FNDC7: variants seen among roughly 807,000 people sequenced by gnomAD.
FNDC7 encodes the protein fibronectin type III domain-containing protein 7.
In FNDC7, 66 loss-of-function variants were observed where a neutral mutation model predicts 74.2. The observed-to-expected ratio is 0.89, with a 90% CI of 0.73 to 1.09. The LOEUF (loss-of-function observed/expected upper bound fraction) is 1.09, where lower values mean the gene tolerates loss of function less well. Ranked by LOEUF, FNDC7 falls within the 50% of genes least tolerant of loss-of-function variation. The probability of loss-of-function intolerance (pLI) is 0.00; values close to 1 mark genes in which losing one functional copy is unlikely to be tolerated. For synonymous variants in FNDC7, 307 were observed against 330.2 expected (o/e 0.93, Z 0.76); for missense variants, 829 against 893.4 (o/e 0.93, Z 0.92).
intron 10 of FNDC7, 25 bp downstream of exon 10, chr1:108,733,557 C>A (rs1178444882): frequency 1.2e-6 from 2 of 1,603,474 alleles, no homozygotes; most frequent in South Asian, 1.1e-5. Context: ...GACAGTTTAT[C>A]TAAAACTAAC....
intron 11 of FNDC7, among the ~76,000 whole-genome samples, chr1:108,741,543 CTG>C (rs762974600): frequency 1.3e-5 from 2 of 152,152 alleles, no homozygotes; most frequent in African/African-American, 2.4e-5. Context: ...TAAAGAGACT[CTG>C]GGAGGGTTCA....
intron 8 of FNDC7, among the ~76,000 whole-genome samples, chr1:108,729,103 C>T (rs1462704972): frequency 6.6e-6 from 1 of 152,220 alleles, no homozygotes; most frequent in Non-Finnish European, 1.5e-5. Flanking sequence ...TCACTGGCAT[C>T]AGAGAAGGAA....
chr1:108,726,364 C>T (rs1052410920), intron 6 of FNDC7, among the ~76,000 whole-genome samples: 6 of 152,244 alleles, frequency 3.9e-5, no homozygotes, highest in Non-Finnish European at 4.4e-5. Flanking sequence ...GAGACCAAGA[C>T]AGACATACAA....
rs1456325943 is a variant in FNDC7, at chr1:108,722,607, G to A, written c.856+15G>A. ...CCTGAAAACTGGTATGTAAACAAGA[G>A]TGAGACTGCTGTCGGGCTTGCAGCC... is the stretch of plus-strand genomic sequence containing the variant. On this transcript the variant is annotated intron_variant, in intron 5 of 12. Transcript: ENST00000370017. The A allele has an allele frequency of 1.2e-6, 2 of 1,602,416 alleles. No homozygotes were observed. Among genetic ancestry groups the A allele is most frequent in the African/African-American group, 2.7e-5 (2 of 74,906 alleles).
In FNDC7 at chr1:108,717,876, CG is replaced by C; in HGVS notation, c.184del (p.Ala62LeufsTer19). 6.4e-7 allele frequency: 1 copy of C among 1,551,730 alleles called. No homozygotes were observed. The highest frequency in any genetic ancestry group is 8.7e-7 in the Non-Finnish European group (1 of 1,147,004). On this transcript the variant is annotated frameshift_variant, in exon 3 of 13. Transcript: ENST00000370017. LOFTEE classifies it high-confidence loss of function. Reference sequence around the variant, plus strand: ...CCGGGTGCCACCAGTTACCTCCTCACGGCTGAAGACGGGGACACAGTCATTG... The same window carrying C: ...CCGGGTGCCACCAGTTACCTCCTCACGCTGAAGACGGGGACACAGTCATTG... ...TVPGATSYLL[T>X]AEDGDTVIET...
intron 2 of FNDC7, among the ~76,000 whole-genome samples, chr1:108,717,129 G>A (rs906538951): frequency 6.6e-6 from 1 of 152,158 alleles, no homozygotes; most frequent in Non-Finnish European, 1.5e-5. Flanking sequence ...GGAGAATAAA[G>A]TTTACTTTTA....
At position 108,737,498 on chromosome 1, in the gene FNDC7, C is replaced by T. The variant is rs773904720; in HGVS notation, c.2144C>T (p.Thr715Ile). 5 of 1,588,548 alleles carry T rather than the reference C, an allele frequency of 3.1e-6. No individual in the cohort carries two copies. In the African/African-American group the frequency reaches 5.5e-5, roughly 17 times the overall value. The change falls in exon 11 of 13, where the codon ACT becomes ATT. Residue 715 changes from threonine (T) to isoleucine (I), a missense_variant. Physicochemically the swap from Thr to Ile is moderately conservative, Grantham distance 89. Transcript: ENST00000370017. The part of the protein sequence containing the change: ...TFCPKKIYSV[T>I]CSGSTLGMVI... ...AATGCTTGTGTTTTTATTACAGTAA[C>T]TTGCTCTGGAAGTACACTTGGAATG...
chr1:108,713,513 T>C lies in FNDC7; in HGVS notation c.66T>C (p.Val22=), dbSNP rs11102279. The C allele has an allele frequency of 0.014, 22,129 of 1,549,030 alleles. 2,284 individuals carry two copies. In the East Asian group the frequency reaches 0.32, roughly 22 times the overall value. The change falls in exon 2 of 13, where the codon GTT becomes GTC. Residue 22 remains valine, a splice_region_variant and synonymous_variant. Transcript: ENST00000370017. ...IGFILICLKM[V]ASAKSAPEIP... is the part of the protein sequence containing the mutation. Reference sequence around the variant, plus strand: ...ATTTTCCAAACTTTCCTTTTCAGGTTGCTTCAGCAAAATCAGGTACAATTT... The same window carrying C: ...ATTTTCCAAACTTTCCTTTTCAGGTCGCTTCAGCAAAATCAGGTACAATTT...
intron 8 of FNDC7, 122 bp downstream of exon 8, chr1:108,729,008 G>A (rs948131045): frequency 2.6e-5 from 32 of 1,222,276 alleles, no homozygotes; most frequent in African/African-American, 7.6e-5. Flanking sequence ...ACTCAGAGAC[G>A]TTTCAAAGAG....
chr1:108,721,477 G>GA (rs1186400803), intron 4 of FNDC7, among the ~76,000 whole-genome samples: 1 of 151,562 alleles, frequency 6.6e-6, no homozygotes, highest in Admixed American at 6.6e-5. Context: ...TCAAAAAAAA[G>GA]AAAAAAAAGA....
At chr1:108,740,438 G>A (rs372856144) in intron 11 of FNDC7, among the ~76,000 whole-genome samples, 59 of 146,214 alleles carry the variant, frequency 4.0e-4, no homozygotes, top group African/African-American at 1.1e-3. Context: ...AGCGATTCTC[G>A]CGCCTCAGCC....
chr1:108,729,967 T>C (rs1342092213), intron 8 of FNDC7, among the ~76,000 whole-genome samples: 1 of 152,270 alleles, frequency 6.6e-6, no homozygotes, highest in Non-Finnish European at 1.5e-5. Context: ...CAAGCTTTTA[T>C]ATCAGTGATG....
At chr1:108,735,150 C>T (rs1661478878) in intron 10 of FNDC7, among the ~76,000 whole-genome samples, 1 of 152,198 alleles carries the variant, frequency 6.6e-6, no homozygotes, top group African/African-American at 2.4e-5. Flanking sequence ...CAGCTTCTGT[C>T]TCCCTCACCC....
Position 108,728,210 on chromosome 1 carries a change from C to T in FNDC7, c.1369+145C>T, listed in dbSNP as rs140399470. The T allele has an allele frequency of 6.9e-4, 735 of 1,072,388 alleles. 1 individual carries two copies. In the African/African-American group the frequency reaches 0.011, roughly 16 times the overall value. The allele number at this position is 1,072,388 out of a possible 1,614,324, so 66.4% of individuals were successfully genotyped here. ...GGAGACCAAGAGAGCCCCCGTTGTA[C>T]GAAGGAGAGGCAGAGGAGAAGGCAG... On this transcript the variant is annotated intron_variant, in intron 7 of 12. Coordinates refer to ENST00000370017, the MANE Select transcript of FNDC7 (RefSeq NM_001144937.3).
chr1:108,718,788 G>C lies in FNDC7; in HGVS notation c.338-1G>C. 6.5e-7 allele frequency: 1 copy of C among 1,549,764 alleles called. No individual in the cohort carries two copies. Among genetic ancestry groups the C allele is most frequent in the Non-Finnish European group, 8.7e-7 (1 of 1,145,606 alleles). On this transcript the variant is annotated splice_acceptor_variant, in intron 3 of 12. Coordinates refer to ENST00000370017, the MANE Select transcript of FNDC7 (RefSeq NM_001144937.3). LOFTEE classifies it high-confidence loss of function. ...AAATGCATGTGTTTTTATTTTTTTA[G>C]TGTTGGCTGCACCAATTCTAGAAGT... is the stretch of plus-strand genomic sequence containing the variant.
At position 108,725,819 on chromosome 1, in the gene FNDC7, G is replaced by A. The variant is rs11582005; in HGVS notation, c.926G>A (p.Ser309Asn). 233,607 of 1,613,948 alleles carry A rather than the reference G, an allele frequency of 0.14. 18,432 individuals carry two copies. Among genetic ancestry groups the A allele is most frequent in the African/African-American group, 0.3 (22,751 of 74,924 alleles). ...GGCCACCTGTCTGTGGCTTGGTCCA[G>A]TGTAGATCTGGGTGACTACTATGTG... ...PPGHLSVAWS[S>N]VDLGDYYVVF... The change falls in exon 6 of 13, where the codon AGT (serine) becomes AAT (asparagine). Residue 309 changes from serine (S) to asparagine (N), a missense_variant. Ser to Asn is a conservative substitution (Grantham distance 46). Transcript: ENST00000370017.
At chr1:108,714,532 T>C (rs1660932506) in intron 2 of FNDC7, among the ~76,000 whole-genome samples, 1 of 152,022 alleles carries the variant, frequency 6.6e-6, no homozygotes, top group Non-Finnish European at 1.5e-5. Context: ...TATTTACTTG[T>C]CTTATTCTTG....
At chr1:108,731,781 A>G (rs1381543892) in intron 9 of FNDC7, among the ~76,000 whole-genome samples, 1 of 152,234 alleles carries the variant, frequency 6.6e-6, no homozygotes, top group African/African-American at 2.4e-5. Flanking sequence ...AATAAATCAT[A>G]ATGTGAGAAC....
rs181315926 is a variant in FNDC7, at chr1:108,733,778, G to A, written c.2140+246G>A. On this transcript the variant is annotated intron_variant, in intron 10 of 12. Transcript: ENST00000370017. ...CAATTCTCCTGCCTCAGCCTCCCAA[G>A]TAGCTGCGATTACAGGCACCTGGCA... Among the ~76,000 whole-genome samples, 377 of 150,260 alleles carry A rather than the reference G, an allele frequency of 2.5e-3. 5 individuals carry two copies. Among genetic ancestry groups the A allele is most frequent in the African/African-American group, 8.6e-3 (351 of 40,716 alleles).
Sources: allele counts gnomAD v4.1 joint callset (sites outside exome capture counted in the v4.1 genomes callset), GRCh38; gene constraint gnomAD v4.1.1; transcripts MANE v1.5; gene names NCBI Gene and HGNC (gene_info 2026-07-23, HGNC 2026-07-21).